SPG7: variants seen among roughly 807,000 people sequenced by gnomAD.
SPG7 encodes mitochondrial inner membrane m-AAA protease component paraplegin.
SPG7 carries 103 observed loss-of-function variants against 81.9 expected under a neutral mutation model. That is an observed-to-expected ratio of 1.26 (90% CI 1.07 to 1.48). The LOEUF (loss-of-function observed/expected upper bound fraction) is 1.48, where lower values mean the gene tolerates loss of function less well. Among genes scored for constraint, SPG7 ranks in the 40% most tolerant of loss-of-function variants. SPG7 has a pLI of 0.00. For missense variants in SPG7, 1,241 were observed against 1,087.3 expected, an observed-to-expected ratio of 1.14 and a Z score of -1.99; for synonymous variants, 534 against 444.2, an observed-to-expected ratio of 1.20 and a Z score of -2.54.
chr16:89,550,591 C>T lies in SPG7; in HGVS notation c.1761C>T (p.His587=), dbSNP rs756902031. The T allele has an allele frequency of 6.2e-7, 1 of 1,613,454 alleles. No individual in the cohort carries two copies. The highest frequency in any genetic ancestry group is 1.1e-5 in the South Asian group (1 of 91,080). The change falls in exon 13 of 17, where the codon CAC becomes CAT. Residue 587 remains histidine, a synonymous_variant. Transcript: ENST00000645818. ...GHALVGWMLE[H]TEAVMKVSIT... ...CCTTGGTGGGCTGGATGCTGGAGCA[C>T]ACGGAGGCCGTGATGAAGGTGGGTC...
Position 89,524,386 on chromosome 16 carries a change from C to T in SPG7, c.618+139C>T, listed in dbSNP as rs115787170. On this transcript the variant is annotated intron_variant, in intron 4 of 16. Transcript: ENST00000645818. ...CCTTTTGGATACCTGTGATTGAGGGCATGCTTCTTTCTCATGCAGGGACCT... is the reference window on the plus strand; with the variant it reads ...CCTTTTGGATACCTGTGATTGAGGGTATGCTTCTTTCTCATGCAGGGACCT... The T allele has an allele frequency of 1.9e-4, 180 of 960,540 alleles. 1 individual carries two copies. In the African/African-American group the frequency reaches 2.7e-3, roughly 14 times the overall value. 59.5% of individuals were successfully genotyped at this position (960,540 alleles called of 1,614,324 possible). A position where few individuals can be genotyped will look rare whatever the true frequency, so the allele number is the denominator to read the frequency against.
intron 11 of SPG7, 51 bp from the exon 12 acceptor site, chr16:89,547,952 C>T: frequency 7.2e-7 from 1 of 1,390,536 alleles, no homozygotes; most frequent in Non-Finnish European, 1.0e-6. Context: ...TCCTCTTAAG[C>T]CCTGATAGCA....
At chr16:89,510,854 C>G (rs1296508708) in intron 2 of SPG7, among the ~76,000 whole-genome samples, 1 of 152,176 alleles carries the variant, frequency 6.6e-6, no homozygotes, top group Non-Finnish European at 1.5e-5. Flanking sequence ...GAGACAAGGT[C>G]TCACTTTGTT....
Position 89,550,605 on chromosome 16 carries a change from T to A in SPG7, c.1775T>A (p.Met592Lys). The stretch of plus-strand genomic sequence containing the variant: ...ATGCTGGAGCACACGGAGGCCGTGA[T>A]GAAGGTGGGTCTTGGCAGGTGCCGG... The part of the protein sequence containing the change: ...GWMLEHTEAV[M>K]KVSITPRTNA... Residue 592 changes from methionine (M) to lysine (K), a missense_variant, in exon 13 of 17, where the codon ATG becomes AAG. Met to Lys is a moderately conservative substitution (Grantham distance 95). Transcript: ENST00000645818. 6.2e-7 allele frequency: 1 copy of A among 1,611,858 alleles called. No individual in the cohort carries two copies. Among genetic ancestry groups the A allele is most frequent in the Non-Finnish European group, 8.5e-7 (1 of 1,178,480 alleles).
At chr16:89,552,765 C>T (rs577015008) in intron 13 of SPG7, 79 of 601,328 alleles carry the variant, frequency 1.3e-4, no homozygotes, top group East Asian at 8.5e-4. Flanking sequence ...AGACACTTCC[C>T]GGCAGTGTGT....
intron 9 of SPG7, among the ~76,000 whole-genome samples, chr16:89,535,371 C>A (rs1215624164): frequency 6.6e-6 from 1 of 152,182 alleles, no homozygotes; most frequent in Non-Finnish European, 1.5e-5. Context: ...GTTCTCTAGG[C>A]TCTGAAAGCT....
chr16:89,555,685 A>T (rs1413820964), intron 16 of SPG7: 1 of 395,288 alleles, frequency 2.5e-6, no homozygotes. Flanking sequence ...GTTTTGTAGG[A>T]CGTTCCTCAG....
In SPG7 at chr16:89,529,500, C is replaced by G; in HGVS notation, c.782C>G (p.Thr261Arg). 1 of 1,613,534 alleles carries G rather than the reference C, an allele frequency of 6.2e-7. No homozygotes were observed. Among genetic ancestry groups the G allele is most frequent in the South Asian group, 1.1e-5 (1 of 90,972 alleles). The stretch of plus-strand genomic sequence containing the variant: ...AGTGCCCTGTACTCTGTGGGGATGA[C>G]GGCAGTGGGCCTGGCCATCCTGTGG... ...FGNALYSVGM[T>R]AVGLAILWYV... Residue 261 changes from threonine (T) to arginine (R), a missense_variant, in exon 6 of 17, where the codon ACG becomes AGG. Transcript: ENST00000645818.
In SPG7 at chr16:89,532,497, G is replaced by C; in HGVS notation, c.1185G>C (p.Lys395Asn). ...CTGCCCGTGTGCGGAGCCTCTTTAAGGAAGCCCGAGCCCGGGCCCCCTGCA... is the reference window on the plus strand; with the variant it reads ...CTGCCCGTGTGCGGAGCCTCTTTAACGAAGCCCGAGCCCGGGCCCCCTGCA... ...LGAARVRSLF[K>N]EARARAPCIV... Residue 395 changes from lysine to asparagine, a missense_variant, in exon 9 of 17, where the codon AAG becomes AAC. By Grantham distance (94) the Lys-to-Asn change is moderately conservative (BLOSUM62 0). Coordinates refer to ENST00000645818, the MANE Select transcript of SPG7 (RefSeq NM_003119.4). 1 of 1,613,640 alleles carries C rather than the reference G, an allele frequency of 6.2e-7. No individual in the cohort carries two copies. Among genetic ancestry groups the C allele is most frequent in the Non-Finnish European group, 8.5e-7 (1 of 1,180,036 alleles).
At chr16:89,511,417 T>A (rs1567894738) in intron 2 of SPG7, among the ~76,000 whole-genome samples, 1 of 152,196 alleles carries the variant, frequency 6.6e-6, no homozygotes, top group East Asian at 1.9e-4. Flanking sequence ...ACGCTCCCCT[T>A]TATGGAGTTG....
intron 3 of SPG7, 54 bp downstream of exon 3, chr16:89,513,091 TTC>T: frequency 6.4e-7 from 1 of 1,553,316 alleles, no homozygotes; most frequent in Non-Finnish European, 8.7e-7. Context: ...GTCTTTACAT[TTC>T]TGTTTTCCTT....
At chr16:89,513,404 T>A (rs2058048546) in intron 3 of SPG7, among the ~76,000 whole-genome samples, 1 of 151,842 alleles carries the variant, frequency 6.6e-6, no homozygotes, top group African/African-American at 2.4e-5. Context: ...TAATCCCAGC[T>A]ACTCGGGAGG....
chr16:89,554,509 G>C lies in SPG7; in HGVS notation c.2127G>C (p.Lys709Asn). ...AGGAAGCAAGACTGCTGGTGGCCAA[G>C]GCCTACAGACACACCGAGAAGGTGC... Reference protein sequence around the residue: ...MDHEARLLVAKAYRHTEKVLQ... With the variant: ...MDHEARLLVANAYRHTEKVLQ... The change falls in exon 16 of 17, where the codon AAG (lysine) becomes AAC (asparagine). Residue 709 changes from lysine to asparagine, a missense_variant. By Grantham distance (94) the Lys-to-Asn change is moderately conservative (BLOSUM62 0). Coordinates refer to ENST00000645818, the MANE Select transcript of SPG7 (RefSeq NM_003119.4). 1 of 1,609,454 alleles carries C rather than the reference G, an allele frequency of 6.2e-7. No homozygotes were observed. Among genetic ancestry groups the C allele is most frequent in the South Asian group, 1.1e-5 (1 of 91,042 alleles).
At chr16:89,525,065 T>G (rs1045924193) in intron 4 of SPG7, among the ~76,000 whole-genome samples, 1 of 150,508 alleles carries the variant, frequency 6.6e-6, no homozygotes, top group African/African-American at 2.4e-5. Context: ...GCTCAGGTGA[T>G]CTACCCACCT....
chr16:89,551,929 C>T (rs2058638032), intron 13 of SPG7: 2 of 152,098 alleles, frequency 1.3e-5, no homozygotes, highest in Admixed American at 6.6e-5. Flanking sequence ...ATTTGATGGG[C>T]AAAAGTCAGA....
chr16:89,557,312 T>C lies in SPG7; in HGVS notation c.*219T>C. The C allele has an allele frequency of 1.7e-6, 1 of 576,228 alleles. No homozygotes were observed. The highest frequency in any genetic ancestry group is 2.0e-5 in the South Asian group (1 of 49,454). The allele number at this position is 576,228 out of a possible 1,614,324, so 35.7% of individuals were successfully genotyped here. ...TCCTGTGTTTGTGAGTCGTTTCCCC[T>C]ATGGGGAAGGTTATCAGTGCTTCCC... On this transcript the variant is annotated 3_prime_UTR_variant, in exon 17 of 17. Transcript: ENST00000645818.
intron 7 of SPG7, chr16:89,531,172 G>C: frequency 2.7e-6 from 1 of 375,360 alleles, no homozygotes; most frequent in East Asian, 6.6e-5. Context: ...CGTTTCCTCC[G>C]CGGGCCTGGT....
intron 3 of SPG7, chr16:89,519,636 C>G (rs549669181): frequency 7.9e-5 from 12 of 152,358 alleles, no homozygotes; most frequent in African/African-American, 2.6e-4. Flanking sequence ...CCCGCCTCAG[C>G]CTCCCGAAGT....
chr16:89,550,663 G>C (rs922369564), intron 13 of SPG7, 54 bp downstream of exon 13: 1 of 1,212,736 alleles, frequency 8.2e-7, no homozygotes, highest in Middle Eastern at 1.9e-4. Context: ...TGGGTGGGGA[G>C]TCCCGCCTGT....
Sources: allele counts gnomAD v4.1 joint callset (sites outside exome capture counted in the v4.1 genomes callset), GRCh38; gene constraint gnomAD v4.1.1; transcripts MANE v1.5; gene names NCBI Gene and HGNC (gene_info 2026-07-23, HGNC 2026-07-21).